The following KPNA4 variants were observed in gnomAD, a reference collection of about 807,000 sequenced individuals.
The protein encoded by KPNA4 is importin subunit alpha-3.
Under a neutral mutation model 71.3 loss-of-function variants are expected in KPNA4, and 13 were observed. The observed-to-expected ratio is 0.18, with a 90% CI of 0.12 to 0.29. KPNA4 has a LOEUF of 0.29. KPNA4 is among the 10% of genes least tolerant of loss of function. The pLI is 1.00. For missense variants in KPNA4, 334 were observed against 603.2 expected (o/e 0.55, Z 4.67); for synonymous variants, 189 against 195.2 (o/e 0.97, Z 0.26).
intron 1 of KPNA4, among the ~76,000 whole-genome samples, chr3:160,539,456 T>C (rs982551904): frequency 1.4e-4 from 21 of 152,198 alleles, no homozygotes; most frequent in Non-Finnish European, 2.8e-4. Flanking sequence ...AGTTAGATTG[T>C]TTGTCCAAAG....
rs534616244 is a variant in KPNA4, at chr3:160,525,664, A to G, written c.771+136T>C. On this transcript the variant is annotated intron_variant, in intron 10 of 16. Coordinates refer to ENST00000334256, the MANE Select transcript of KPNA4 (RefSeq NM_002268.5). ...TATAAAATAACTAATCTAATATAAA[A>G]TAACTCTTGAAATGGGAAAATCTGA... The G allele has an allele frequency of 1.1e-4, 44 of 395,686 alleles. 1 individual carries two copies. In the East Asian group the frequency reaches 1.8e-3, roughly 16 times the overall value. The allele number at this position is 395,686 out of a possible 1,614,324, so 24.5% of individuals were successfully genotyped here. A position where few individuals can be genotyped will look rare whatever the true frequency, so the allele number is the denominator to read the frequency against.
At chr3:160,506,910 C>T (rs1268519756) in intron 15 of KPNA4, among the ~76,000 whole-genome samples, 1 of 152,016 alleles carries the variant, frequency 6.6e-6, no homozygotes, top group Non-Finnish European at 1.5e-5. Context: ...ATTTTGAAGC[C>T]GCTCACCATT....
chr3:160,558,923 T>G (rs975688176), intron 1 of KPNA4, among the ~76,000 whole-genome samples: 44 of 152,254 alleles, frequency 2.9e-4, no homozygotes, highest in African/African-American at 1.1e-3. Flanking sequence ...GAGGAAACAG[T>G]AAAAAATGAT....
At chr3:160,515,913 C>T (rs1721208254) in intron 11 of KPNA4, among the ~76,000 whole-genome samples, 1 of 152,124 alleles carries the variant, frequency 6.6e-6, no homozygotes, top group African/African-American at 2.4e-5. Context: ...TTGTGCCCAG[C>T]TGAAACACTC....
At chr3:160,562,184 T>C (rs1451265723) in intron 1 of KPNA4, among the ~76,000 whole-genome samples, 1 of 152,174 alleles carries the variant, frequency 6.6e-6, no homozygotes, top group African/African-American at 2.4e-5. Flanking sequence ...TATTAAGCAC[T>C]TGAAATGCAG....
Position 160,501,321 on chromosome 3 carries a change from T to C in KPNA4, c.*783A>G, listed in dbSNP as rs1283407534. The C allele has an allele frequency of 7.5e-6, 1 of 133,308 alleles. No homozygotes were observed. Among genetic ancestry groups the C allele is most frequent in the African/African-American group, 2.8e-5 (1 of 35,420 alleles). The allele number at this position is 133,308 out of a possible 1,614,324, so 8.3% of individuals were successfully genotyped here. On this transcript the variant is annotated 3_prime_UTR_variant, in exon 17 of 17. Coordinates refer to ENST00000334256, the MANE Select transcript of KPNA4 (RefSeq NM_002268.5). ...AAAGCAAAAAAGAAAAAAAAAAGGA[T>C]TGGGTGGGGGGAAGGAGGTGGGAAA...
chr3:160,522,750 G>A (rs1312488988), intron 10 of KPNA4, among the ~76,000 whole-genome samples: 2 of 152,072 alleles, frequency 1.3e-5, no homozygotes, highest in Admixed American at 6.6e-5. Context: ...AAGCCACTGC[G>A]CCCGGCCAGC....
chr3:160,514,968 TTAGG>T (rs779108327), intron 12 of KPNA4: 5 of 519,092 alleles, frequency 9.6e-6, no homozygotes, highest in African/African-American at 9.6e-5. Flanking sequence ...GCCAGGCTAG[TTAGG>T]TGAGCTGTTC....
chr3:160,503,261 T>C (rs1212860527), intron 16 of KPNA4, among the ~76,000 whole-genome samples: 1 of 152,070 alleles, frequency 6.6e-6, no homozygotes, highest in African/African-American at 2.4e-5. Context: ...AGACAAATGG[T>C]ATTTGGGCTT....
At chr3:160,543,265 AC>A (rs1331337018) in intron 1 of KPNA4, among the ~76,000 whole-genome samples, 2 of 152,058 alleles carry the variant, frequency 1.3e-5, no homozygotes, top group Non-Finnish European at 2.9e-5. Flanking sequence ...GCAAGTCACG[AC>A]CTTTACGGGT....
chr3:160,533,228 C>T lies in KPNA4; in HGVS notation c.288-1671G>A, dbSNP rs140956781. Among the ~76,000 whole-genome samples the T allele has an allele frequency of 6.4e-3, 971 of 152,102 alleles. 9 individuals carry two copies. The highest frequency in any genetic ancestry group is 0.022 in the African/African-American group (903 of 41,498). On this transcript the variant is annotated intron_variant, in intron 5 of 16. Coordinates refer to ENST00000334256, the MANE Select transcript of KPNA4 (RefSeq NM_002268.5). Reference sequence around the variant, plus strand: ...TAGTAGAGACGGGGGTTTCACCATGCTGGCCAGGCTGGTCTCAAACTCCTG... The same window carrying T: ...TAGTAGAGACGGGGGTTTCACCATGTTGGCCAGGCTGGTCTCAAACTCCTG...
chr3:160,555,337 A>G (rs776346856), intron 1 of KPNA4, among the ~76,000 whole-genome samples: 5 of 152,192 alleles, frequency 3.3e-5, no homozygotes, highest in Non-Finnish European at 7.3e-5. Context: ...AACTTCTTTC[A>G]GGCAGTATAA....
At chr3:160,526,302 T>C (rs1721460424) in intron 8 of KPNA4, among the ~76,000 whole-genome samples, 195 bp from the exon 9 acceptor site, 1 of 152,218 alleles carries the variant, frequency 6.6e-6, no homozygotes, top group Admixed American at 6.5e-5. Context: ...AGGTATTCTT[T>C]TGCACATTAT....
intron 16 of KPNA4, among the ~76,000 whole-genome samples, chr3:160,503,895 C>T (rs1720932116): frequency 6.6e-6 from 1 of 152,074 alleles, no homozygotes; most frequent in South Asian, 2.1e-4. Context: ...TCAGCCAGGG[C>T]AACATAGGGA....
intron 16 of KPNA4, among the ~76,000 whole-genome samples, chr3:160,503,408 C>G (rs1720920442): frequency 6.6e-6 from 1 of 152,088 alleles, no homozygotes; most frequent in South Asian, 2.1e-4. Context: ...TTCAGATGCT[C>G]AAGTGGTAGA....
chr3:160,520,782 G>A (rs1721331640), intron 11 of KPNA4, among the ~76,000 whole-genome samples: 2 of 152,162 alleles, frequency 1.3e-5, no homozygotes, highest in African/African-American at 4.8e-5. Context: ...CAGGCATAAT[G>A]ACTTAGGCTA....
intron 16 of KPNA4, among the ~76,000 whole-genome samples, chr3:160,503,085 T>C (rs1720915459): frequency 6.6e-6 from 1 of 152,072 alleles, no homozygotes; most frequent in South Asian, 2.1e-4. Flanking sequence ...TACTCCAGCC[T>C]GGGTGACAGA....
At chr3:160,549,933 A>G (rs977172229) in intron 1 of KPNA4, among the ~76,000 whole-genome samples, 4 of 152,228 alleles carry the variant, frequency 2.6e-5, no homozygotes, top group African/African-American at 9.6e-5. Flanking sequence ...AATGTTTTGC[A>G]TATAAGCCTT....
chr3:160,519,801 C>CAAAAAAAAAAAAAAAAAA, intron 11 of KPNA4, among the ~76,000 whole-genome samples: 2 of 83,692 alleles, frequency 2.4e-5, no homozygotes, highest in African/African-American at 4.5e-5. Context: ...GACTCCGTCT[C>CAAAAAAAAAAAAAAAAAA]AAAAAAAAAA....
Sources: allele counts gnomAD v4.1 joint callset (sites outside exome capture counted in the v4.1 genomes callset), GRCh38; gene constraint gnomAD v4.1.1; transcripts MANE v1.5; gene names NCBI Gene and HGNC (gene_info 2026-07-23, HGNC 2026-07-21).